FBXL20: variants seen among roughly 807,000 people sequenced by gnomAD.
FBXL20 encodes F-box/LRR-repeat protein 20.
In FBXL20, 11 loss-of-function variants were observed where a neutral mutation model predicts 64.0. The observed-to-expected ratio is 0.17, with a 90% CI of 0.11 to 0.28. FBXL20 has a LOEUF of 0.28. Ranked by LOEUF, FBXL20 falls within the 10% of genes least tolerant of loss-of-function variation. The probability of loss-of-function intolerance (pLI) is 1.00; values close to 1 mark genes in which losing one functional copy is unlikely to be tolerated. For missense variants in FBXL20, 303 were observed against 526.2 expected, an observed-to-expected ratio of 0.58 and a Z score of 4.15; for synonymous variants, 184 against 189.0, an observed-to-expected ratio of 0.97 and a Z score of 0.22.
chr17:39,343,181 G>A lies in FBXL20; in HGVS notation c.103C>T (p.Arg35Trp), dbSNP rs371836119. Reference sequence around the variant, plus strand: ...CATAAAATTAGCATTCAGACTTACCGTAACAGGAGTTCTTTGGGAAGTTTT... The same window carrying A: ...CATAAAATTAGCATTCAGACTTACCATAACAGGAGTTCTTTGGGAAGTTTT... ...NKKLPKELLL[R>W]IFSFLDVVTL... is the part of the protein sequence containing the mutation. The change falls in exon 2 of 15, where the codon CGG (arginine) becomes TGG (tryptophan). Residue 35 changes from arginine (R) to tryptophan (W), a missense_variant and splice_region_variant. This residue lies in a region of FBXL20 where 246 missense variants were observed against 422.6 expected (regional missense o/e 0.58). Coordinates refer to ENST00000264658, the MANE Select transcript of FBXL20 (RefSeq NM_032875.3). The A allele has an allele frequency of 8.1e-6, 13 of 1,598,420 alleles. No individual in the cohort carries two copies. The highest frequency in any genetic ancestry group is 1.8e-5 in the Admixed American group (1 of 56,770).
At chr17:39,358,027 A>C (rs1161942019) in intron 1 of FBXL20, among the ~76,000 whole-genome samples, 3 of 152,254 alleles carry the variant, frequency 2.0e-5, no homozygotes, top group Non-Finnish European at 4.4e-5. Context: ...ATTTATTATA[A>C]GAACTGTCTC....
Position 39,276,161 on chromosome 17 carries a change from C to T in FBXL20, c.697-1061G>A, listed in dbSNP as rs547523912. 2.2e-5 allele frequency among the ~76,000 whole-genome samples: 3 copies of T among 134,878 alleles called. No homozygotes were observed. The East Asian group carries it at 7.2e-4, about 32-fold the overall frequency. 88.5% of individuals were successfully genotyped at this position (134,878 alleles called of 152,430 possible). On this transcript the variant is annotated intron_variant, in intron 9 of 14. Transcript: ENST00000264658. ...ACTTGGACGGCTGACACAGGAGAAT[C>T]GCTTAACCCCAGGAGGAGATTTGCA...
intron 5 of FBXL20, among the ~76,000 whole-genome samples, chr17:39,298,581 C>T (rs1474483579): frequency 6.6e-6 from 1 of 151,974 alleles, no homozygotes; most frequent in Non-Finnish European, 1.5e-5. Flanking sequence ...CTTAGCCAGG[C>T]GTGGTGGTAC....
At position 39,281,575 on chromosome 17, in the gene FBXL20, G is replaced by A. The variant is rs1003042125; in HGVS notation, c.622-112C>T. 3.3e-5 allele frequency: 25 copies of A among 759,662 alleles called. No homozygotes were observed. In the East Asian group the frequency reaches 4.7e-4, roughly 14 times the overall value. 47.1% of individuals were successfully genotyped at this position (759,662 alleles called of 1,614,324 possible). The stretch of plus-strand genomic sequence containing the variant: ...ATTCTAATACAGCCAACCAAGTTTC[G>A]AAGGAACAATGAATCAGAAAATACG... On this transcript the variant is annotated intron_variant, in intron 8 of 14. Transcript: ENST00000264658.
chr17:39,297,433 G>T (rs2047096416), intron 5 of FBXL20: 3 of 280,206 alleles, frequency 1.1e-5, no homozygotes, highest in South Asian at 8.5e-5. Context: ...AGTAATCGCG[G>T]TTTTTGCCAT....
chr17:39,355,545 G>A (rs2047727470), intron 1 of FBXL20, among the ~76,000 whole-genome samples: 1 of 151,754 alleles, frequency 6.6e-6, no homozygotes, highest in East Asian at 1.9e-4. Context: ...GATGTATCAT[G>A]CTTTTGATGT....
rs947804121 is a variant in FBXL20, at chr17:39,265,390, A to G, written c.990+7T>C. The G allele has an allele frequency of 7.5e-6, 12 of 1,606,156 alleles. No individual in the cohort carries two copies. In the African/African-American group the frequency reaches 1.2e-4, roughly 16 times the overall value. ...TAAACACATAAAGTTTTCAAAGTTA[A>G]ACTCACCAATACTTGAAGTCGAGGA... is the stretch of plus-strand genomic sequence containing the variant. On this transcript the variant is annotated splice_region_variant and intron_variant, in intron 13 of 14. Transcript: ENST00000264658.
At chr17:39,315,057 A>G (rs926449681) in intron 2 of FBXL20, among the ~76,000 whole-genome samples, 10 of 151,864 alleles carry the variant, frequency 6.6e-5, no homozygotes, top group African/African-American at 2.4e-4. Flanking sequence ...TCAACCTCCC[A>G]AAGTACTGGG....
intron 6 of FBXL20, among the ~76,000 whole-genome samples, chr17:39,294,246 A>G (rs2047065277): frequency 6.6e-6 from 1 of 151,612 alleles, no homozygotes; most frequent in East Asian, 1.9e-4. Flanking sequence ...ATGTGCTGGG[A>G]TTACAGGTGT....
intron 1 of FBXL20, among the ~76,000 whole-genome samples, chr17:39,371,537 C>T (rs2047918553): frequency 6.6e-6 from 1 of 152,142 alleles, no homozygotes; most frequent in African/African-American, 2.4e-5. Flanking sequence ...CTCCTGACTT[C>T]CATTTTCTGT....
chr17:39,379,205 C>G (rs1200769079), intron 1 of FBXL20, among the ~76,000 whole-genome samples: 2 of 149,444 alleles, frequency 1.3e-5, no homozygotes, highest in Admixed American at 6.7e-5. Flanking sequence ...GAGTGAAACT[C>G]CGTCTCAAAA....
intron 2 of FBXL20, among the ~76,000 whole-genome samples, chr17:39,316,326 T>C (rs1488272450): frequency 3.3e-5 from 5 of 152,112 alleles, no homozygotes; most frequent in African/African-American, 9.6e-5. Flanking sequence ...TTTTTTTCTT[T>C]CCCCCCGAGC....
At chr17:39,376,266 T>C (rs1239001370) in intron 1 of FBXL20, among the ~76,000 whole-genome samples, 2 of 152,190 alleles carry the variant, frequency 1.3e-5, no homozygotes, top group African/African-American at 4.8e-5. Flanking sequence ...TTTGTCTTTA[T>C]ATTGTCTCAG....
chr17:39,297,077 G>T, intron 6 of FBXL20, 50 bp downstream of exon 6: 2 of 1,322,636 alleles, frequency 1.5e-6, no homozygotes, highest in Non-Finnish European at 2.1e-6. Context: ...GGTTGTATCA[G>T]CCAGACATAA....
At chr17:39,309,709 T>C (rs1182724433) in intron 2 of FBXL20, among the ~76,000 whole-genome samples, 2 of 150,892 alleles carry the variant, frequency 1.3e-5, no homozygotes, top group African/African-American at 4.9e-5. Context: ...GGAGATTTGT[T>C]TGAACCTGCG....
intron 12 of FBXL20, 112 bp downstream of exon 12, chr17:39,268,715 C>T (rs2046813587): frequency 1.2e-6 from 1 of 817,324 alleles, no homozygotes. Context: ...ATCTGCAATG[C>T]TGTCAGGCAC....
intron 9 of FBXL20, among the ~76,000 whole-genome samples, chr17:39,280,987 C>T (rs1408056515): frequency 6.6e-6 from 1 of 152,164 alleles, no homozygotes; most frequent in Non-Finnish European, 1.5e-5. Flanking sequence ...TGGTCTCAAA[C>T]TCCTGGACTC....
At position 39,258,753 on chromosome 17, in the gene FBXL20, C is replaced by T. The variant is rs2046718027; in HGVS notation, c.*2707G>A. 3 of 152,316 alleles carry T rather than the reference C, an allele frequency of 2.0e-5. No individual in the cohort carries two copies. In the South Asian group the frequency reaches 6.2e-4, roughly 32 times the overall value. 9.4% of individuals were successfully genotyped at this position (152,316 alleles called of 1,614,324 possible). A position where few individuals can be genotyped will look rare whatever the true frequency, so the allele number is the denominator to read the frequency against. On this transcript the variant is annotated 3_prime_UTR_variant, in exon 15 of 15. Transcript: ENST00000264658. ...TCAATTTGTACAGGCACTAAAACAA[C>T]AACAAAACACCTTAAACTTTAAAGC...
rs8072801 is a variant in FBXL20, at chr17:39,281,601, C to T, written c.622-138G>A. On this transcript the variant is annotated intron_variant, in intron 8 of 14. Transcript: ENST00000264658. ...AAGGAACAATGAATCAGAAAATACG[C>T]TATGATCATATAACAGTATAATTCT... 10,865 of 631,082 alleles carry T rather than the reference C, an allele frequency of 0.017. 880 individuals carry two copies. In the African/African-American group the frequency reaches 0.18, roughly 10 times the overall value. 39.1% of individuals were successfully genotyped at this position (631,082 alleles called of 1,614,324 possible). A position where few individuals can be genotyped will look rare whatever the true frequency, so the allele number is the denominator to read the frequency against.
Sources: gnomAD v4.1 joint callset for allele counts (sites outside exome capture counted in the v4.1 genomes callset) on GRCh38, gnomAD v4.1.1 for gene constraint, gnomAD v4.1.1 regional missense constraint, MANE v1.5 for transcripts, NCBI Gene and HGNC (gene_info 2026-07-23, HGNC 2026-07-21) for gene names.